Variants in NRXN1 observed in about 807,000 individuals in gnomAD.
NRXN1 encodes neurexin-1.
Under a neutral mutation model 150.9 loss-of-function variants are expected in NRXN1, and 39 were observed. That is an observed-to-expected ratio of 0.26 (90% CI 0.20 to 0.34). NRXN1 has a LOEUF of 0.34. Ranked by LOEUF, NRXN1 falls within the 10% of genes least tolerant of loss-of-function variation. NRXN1 has a pLI of 1.00. For missense variants in NRXN1, 1,815 were observed against 1,949.9 expected (o/e 0.93, Z 1.30); for synonymous variants, 924 against 757.0 (o/e 1.22, Z -3.62).
At chr2:50,998,756 T>C (rs532543315) in intron 2 of NRXN1, among the ~76,000 whole-genome samples, 59 of 152,178 alleles carry the variant, frequency 3.9e-4, no homozygotes, top group Non-Finnish European at 7.5e-4. Context: ...TTTCAAAGTA[T>C]TTTATAAATT....
At chr2:50,296,935 T>C (rs1207703445) in intron 17 of NRXN1, among the ~76,000 whole-genome samples, 1 of 147,762 alleles carries the variant, frequency 6.8e-6, no homozygotes, top group African/African-American at 2.5e-5. Context: ...CAGGCTGGAG[T>C]GCAGTGGCAC....
At chr2:50,961,406 T>C (rs1327911109) in intron 2 of NRXN1, among the ~76,000 whole-genome samples, 3 of 151,750 alleles carry the variant, frequency 2.0e-5, no homozygotes, top group African/African-American at 7.3e-5. Flanking sequence ...AAGGGTTATA[T>C]ATGAGATGGA....
At chr2:50,829,590 G>A in intron 5 of NRXN1, 1 of 1,612,040 alleles carries the variant, frequency 6.2e-7, no homozygotes, top group African/African-American at 1.3e-5. Context: ...GCCATCGTCT[G>A]TGCTGGAGAG....
chr2:50,637,497 T>G (rs1024672028), intron 5 of NRXN1: 1 of 152,162 alleles, frequency 6.6e-6, no homozygotes, highest in Non-Finnish European at 1.5e-5. Context: ...CACACAGAAT[T>G]TATGAGAAAG....
intron 17 of NRXN1, among the ~76,000 whole-genome samples, chr2:50,372,340 G>T (rs575837739): frequency 1.6e-4 from 24 of 152,186 alleles, no homozygotes; most frequent in African/African-American, 5.8e-4. Flanking sequence ...TAACTGGGAA[G>T]ATCAGAGCCT....
At chr2:50,718,296 A>G (rs1323506968) in intron 5 of NRXN1, among the ~76,000 whole-genome samples, 1 of 152,126 alleles carries the variant, frequency 6.6e-6, no homozygotes, top group Non-Finnish European at 1.5e-5. Context: ...TGGGAGCACA[A>G]AAAAAATTTG....
intron 2 of NRXN1, among the ~76,000 whole-genome samples, chr2:50,998,262 A>C (rs1247922414): frequency 7.0e-6 from 1 of 141,860 alleles, no homozygotes; most frequent in Non-Finnish European, 1.5e-5. Context: ...CTCACAAAAC[A>C]CATGCATACA....
chr2:50,046,086 A>T (rs995645075), intron 21 of NRXN1, among the ~76,000 whole-genome samples: 1 of 152,218 alleles, frequency 6.6e-6, no homozygotes, highest in East Asian at 1.9e-4. Flanking sequence ...CAACTGGGGA[A>T]CAGACACAAG....
chr2:50,650,437 G>C (rs1275146465), intron 5 of NRXN1, among the ~76,000 whole-genome samples: 1 of 152,008 alleles, frequency 6.6e-6, no homozygotes, highest in Non-Finnish European at 1.5e-5. Flanking sequence ...AAGCTGCTCT[G>C]AAGTTTAAAC....
chr2:50,063,906 T>C (rs17039744), intron 19 of NRXN1, among the ~76,000 whole-genome samples: 1,838 of 152,194 alleles, frequency 0.012, 36 homozygotes, highest in African/African-American at 0.043. Flanking sequence ...ACCCATACAG[T>C]TATGCAAAAA....
chr2:50,725,863 A>G (rs1697295822), intron 5 of NRXN1, among the ~76,000 whole-genome samples: 1 of 152,166 alleles, frequency 6.6e-6, no homozygotes, highest in Non-Finnish European at 1.5e-5. Flanking sequence ...TCAAGATAAT[A>G]TTTGTAAAAA....
At chr2:50,012,012 G>A (rs1685747788) in intron 21 of NRXN1, among the ~76,000 whole-genome samples, 2 of 151,970 alleles carry the variant, frequency 1.3e-5, no homozygotes, top group African/African-American at 4.8e-5. Context: ...TGGATGTAAG[G>A]CAAACATAAT....
intron 17 of NRXN1, among the ~76,000 whole-genome samples, chr2:50,403,364 G>C (rs2082526325): frequency 6.6e-6 from 1 of 151,958 alleles, no homozygotes; most frequent in Admixed American, 6.6e-5. Flanking sequence ...TAGAAATAAG[G>C]AATCTTAGAT....
chr2:50,319,247 T>A (rs1313156896), intron 17 of NRXN1, among the ~76,000 whole-genome samples: 1 of 152,116 alleles, frequency 6.6e-6, no homozygotes, highest in Non-Finnish European at 1.5e-5. Flanking sequence ...TTTATAGCAT[T>A]CCCTCACATT....
intron 17 of NRXN1, among the ~76,000 whole-genome samples, chr2:50,417,535 A>G (rs1277900395): frequency 6.6e-6 from 1 of 151,820 alleles, no homozygotes; most frequent in Non-Finnish European, 1.5e-5. Flanking sequence ...TATCCCTGAC[A>G]TTCTGCTTGG....
rs542710952 is a variant in NRXN1, at chr2:50,165,426, G to A, written c.3546+71363C>T. Among the ~76,000 whole-genome samples the A allele has an allele frequency of 3.9e-3, 593 of 152,142 alleles. 7 individuals are homozygous for A. Among genetic ancestry groups the A allele is most frequent in the African/African-American group, 0.013 (551 of 41,484 alleles). ...TGCAGTGGCGCAATCTCAGCTCACC[G>A]CAACCTCCGCCTGCCGAGTTCAAGC... On this transcript the variant is annotated intron_variant, in intron 18 of 22. Coordinates refer to ENST00000401669, the MANE Select transcript of NRXN1 (RefSeq NM_001330078.2).
chr2:49,947,128 T>A (rs1017908981), intron 21 of NRXN1, among the ~76,000 whole-genome samples: 4 of 152,012 alleles, frequency 2.6e-5, no homozygotes, highest in African/African-American at 7.2e-5. Flanking sequence ...TTTGTTTTTT[T>A]CCCCCCGGAC....
chr2:50,885,897 A>T (rs1680169191), intron 5 of NRXN1, among the ~76,000 whole-genome samples: 1 of 150,882 alleles, frequency 6.6e-6, no homozygotes, highest in South Asian at 2.1e-4. Flanking sequence ...AGTTAGAAGT[A>T]CATTTTAGTT....
intron 12 of NRXN1, 167 bp from the exon 13 acceptor site, chr2:50,506,784 GGC>G (rs1334357655): frequency 1.4e-6 from 1 of 704,122 alleles, no homozygotes. Flanking sequence ...ACAGAGAAGA[GGC>G]GGGCTGGACC....
Sources: gnomAD v4.1 joint callset for allele counts (sites outside exome capture counted in the v4.1 genomes callset) on GRCh38, gnomAD v4.1.1 for gene constraint, MANE v1.5 for transcripts, NCBI Gene and HGNC (gene_info 2026-07-23, HGNC 2026-07-21) for gene names.